The following MRPL58 variants were observed in gnomAD, a reference collection of about 807,000 sequenced individuals.
MRPL58 encodes mitochondrial ribosomal protein L58, also known as large ribosomal subunit protein mL62.
In MRPL58, 17 loss-of-function variants were observed where a neutral mutation model predicts 26.0. The observed-to-expected ratio is 0.65, with a 90% CI of 0.45 to 0.98. MRPL58 has a LOEUF of 0.98. MRPL58 is among the 50% of genes least tolerant of loss of function. The pLI is 0.00. For synonymous variants in MRPL58, 100 were observed against 99.7 expected (o/e 1.00, Z -0.02); for missense variants, 250 against 269.0 (o/e 0.93, Z 0.49).
intron 1 of MRPL58, 44 bp downstream of exon 1, chr17:75,012,916 G>C: frequency 6.4e-7 from 1 of 1,561,568 alleles, no homozygotes; most frequent in Non-Finnish European, 8.7e-7. Context: ...TTGTCAGGCT[G>C]CTGGGTGACG....
At chr17:75,013,729 T>G (rs1348551386) in intron 1 of MRPL58, among the ~76,000 whole-genome samples, 1 of 152,030 alleles carries the variant, frequency 6.6e-6, no homozygotes, top group Middle Eastern at 3.2e-3. Context: ...GTCATGAGAA[T>G]AGGGGGCGGA....
rs192827234 is a variant in MRPL58, at chr17:75,019,804, G to A, written c.283+45G>A. The A allele has an allele frequency of 9.3e-5, 141 of 1,514,880 alleles. No homozygotes were observed. The African/African-American group carries it at 1.2e-3, about 12-fold the overall frequency. The allele number at this position is 1,514,880 out of a possible 1,614,324, so 93.8% of individuals were successfully genotyped here. On this transcript the variant is annotated intron_variant, in intron 3 of 5. Coordinates refer to ENST00000301585, the MANE Select transcript of MRPL58 (RefSeq NM_001545.3). ...TTTCTTTTGCTTTAAAATGTAGCTG[G>A]GAGATGGGCTTGAGGAGCTCTGTGT...
chr17:75,012,751 C>G lies in MRPL58; in HGVS notation c.65C>G (p.Pro22Arg), dbSNP rs1247581632. The change falls in exon 1 of 6, where the codon CCC becomes CGC. Residue 22 changes from proline (P) to arginine (R), a missense_variant. Pro to Arg is a moderately radical substitution (Grantham distance 103). Transcript: ENST00000301585. ...SRAGVWLLPPPARCPRRALHK... is the reference protein window; with the variant it reads ...SRAGVWLLPPRARCPRRALHK... Reference sequence around the variant, plus strand: ...GCCGGAGTCTGGCTGCTCCCACCGCCCGCACGGTGCCCACGCCGGGCGCTG... The same window carrying G: ...GCCGGAGTCTGGCTGCTCCCACCGCGCGCACGGTGCCCACGCCGGGCGCTG... The G allele has an allele frequency of 6.3e-7, 1 of 1,589,906 alleles. No homozygotes were observed.
chr17:75,020,918 C>T lies in MRPL58; in HGVS notation c.537-3C>T, dbSNP rs759016858. 6.8e-6 allele frequency: 11 copies of T among 1,611,782 alleles called. No individual in the cohort carries two copies. Among genetic ancestry groups the T allele is most frequent in the African/African-American group, 1.3e-5 (1 of 74,822 alleles). ...GGGCTAATTGCAGTCTTTTTGTTTT[C>T]AGGATAGAAAACATGAATCGGGAAA... is the stretch of plus-strand genomic sequence containing the variant. On this transcript the variant is annotated splice_polypyrimidine_tract_variant and splice_region_variant and intron_variant, in intron 5 of 5. Transcript: ENST00000301585.
intron 2 of MRPL58, among the ~76,000 whole-genome samples, chr17:75,018,050 GA>G (rs1375740207): frequency 2.6e-5 from 4 of 152,112 alleles, no homozygotes; most frequent in Non-Finnish European, 5.9e-5. Flanking sequence ...GCATTATTTA[GA>G]ATAGCAAATA....
chr17:75,016,129 C>T (rs2039972154), intron 1 of MRPL58, among the ~76,000 whole-genome samples: 1 of 149,200 alleles, frequency 6.7e-6, no homozygotes, highest in Admixed American at 6.7e-5. Context: ...ACAGGCTGGG[C>T]GTGGTGGCTC....
chr17:75,013,381 A>T (rs1439584033), intron 1 of MRPL58, among the ~76,000 whole-genome samples: 1 of 152,154 alleles, frequency 6.6e-6, no homozygotes, highest in Non-Finnish European at 1.5e-5. Flanking sequence ...ACCCAAACCC[A>T]TTGAGCTTCC....
chr17:75,016,174 C>A (rs540411194), intron 1 of MRPL58, among the ~76,000 whole-genome samples: 23 of 150,720 alleles, frequency 1.5e-4, no homozygotes, highest in Admixed American at 2.6e-4. Context: ...GAGGCCAAGG[C>A]GGGCAGCTCT....
intron 1 of MRPL58, among the ~76,000 whole-genome samples, chr17:75,015,549 GGA>G (rs921851731): frequency 6.6e-6 from 1 of 152,042 alleles, no homozygotes; most frequent in Non-Finnish European, 1.5e-5. Context: ...GAAAGAAAGA[GGA>G]GAGAGAGAGA....
intron 1 of MRPL58, among the ~76,000 whole-genome samples, chr17:75,014,600 T>C (rs942561816): frequency 2.0e-5 from 3 of 151,900 alleles, no homozygotes; most frequent in Non-Finnish European, 4.4e-5. Flanking sequence ...TGCACCACCA[T>C]GCCCGACTCA....
Position 75,020,620 on chromosome 17 carries a change from G to T in MRPL58, c.499G>T (p.Glu167Ter). 1 of 1,614,144 alleles carries T rather than the reference G, an allele frequency of 6.2e-7. No individual in the cohort carries two copies. Among genetic ancestry groups the T allele is most frequent in the Non-Finnish European group, 8.5e-7 (1 of 1,180,028 alleles). The change falls in exon 5 of 6, where the codon GAG becomes TAG. Residue 167 changes from glutamate to a stop codon, truncating the protein, a stop_gained. Coordinates refer to ENST00000301585, the MANE Select transcript of MRPL58 (RefSeq NM_001545.3). LOFTEE classifies it high-confidence loss of function. ...MITEASQTPK[E>*]PTKEDVKLHR... ...CACTGAGGCCAGCCAGACACCGAAG[G>T]AGCCAACAAAAGAAGATGTTAAACT...
Position 75,019,718 on chromosome 17 carries a change from A to G in MRPL58, c.242A>G (p.Tyr81Cys). Reference sequence around the variant, plus strand: ...TTTACAGATCGCTTGACAATATCTTATTGTCGGAGTAGTGGTCCTGGGGGG... The same window carrying G: ...TTTACAGATCGCTTGACAATATCTTGTTGTCGGAGTAGTGGTCCTGGGGGG... ...DIPLDRLTIS[Y>C]CRSSGPGGQN... The change falls in exon 3 of 6, where the codon TAT becomes TGT. Residue 81 changes from tyrosine to cysteine, a missense_variant. Physicochemically the swap from Tyr to Cys is radical, Grantham distance 194. Coordinates refer to ENST00000301585, the MANE Select transcript of MRPL58 (RefSeq NM_001545.3). The G allele has an allele frequency of 6.2e-7, 1 of 1,612,376 alleles. No individual in the cohort carries two copies. The highest frequency in any genetic ancestry group is 8.5e-7 in the Non-Finnish European group (1 of 1,178,694).
intron 2 of MRPL58, among the ~76,000 whole-genome samples, chr17:75,017,741 C>G (rs992526769): frequency 3.3e-5 from 5 of 151,558 alleles, no homozygotes; most frequent in African/African-American, 1.2e-4. Context: ...GAGTAAGACT[C>G]TGTCTCAAAA....
In MRPL58 at chr17:75,021,071, A is replaced by T; in HGVS notation, c.*66A>T. ...GGCAGCTGCAGCTGAGAGGACTTTC[A>T]CACCATAAGGAGATTTCTGTTTTTC... On this transcript the variant is annotated 3_prime_UTR_variant, in exon 6 of 6. Transcript: ENST00000301585. The T allele has an allele frequency of 1.0e-6, 1 of 1,000,984 alleles. No individual in the cohort carries two copies. Among genetic ancestry groups the T allele is most frequent in the Non-Finnish European group, 1.6e-6 (1 of 622,284 alleles). 62.0% of individuals were successfully genotyped at this position (1,000,984 alleles called of 1,614,324 possible). A position where few individuals can be genotyped will look rare whatever the true frequency, so the allele number is the denominator to read the frequency against.
chr17:75,019,935 A>C (rs1209959403), intron 3 of MRPL58, among the ~76,000 whole-genome samples, 176 bp downstream of exon 3: 1 of 152,196 alleles, frequency 6.6e-6, no homozygotes, highest in African/African-American at 2.4e-5. Flanking sequence ...TCAGACATTC[A>C]GCTGTGGGTT....
At chr17:75,014,179 C>CTTTTT (rs570042413) in intron 1 of MRPL58, among the ~76,000 whole-genome samples, 58 of 77,030 alleles carry the variant, frequency 7.5e-4, no homozygotes, top group Non-Finnish European at 1.0e-3. Flanking sequence ...AGTCTGGGGC[C>CTTTTT]TTTTTTTTTT....
rs540737875 is a variant in MRPL58 at position 75,017,321 on chromosome 17, C to T, written c.223+207C>T. Among the ~76,000 whole-genome samples the T allele has an allele frequency of 5.0e-4, 76 of 151,706 alleles. No homozygotes were observed. The South Asian group carries it at 0.013, about 27-fold the overall frequency. On this transcript the variant is annotated intron_variant, in intron 2 of 5. Transcript: ENST00000301585. ...AAATTAAAAATTAAAAAAAAAAAAT[C>T]ATGCCTGTTGGCCGGGCATGGTGTC...
intron 3 of MRPL58, 135 bp downstream of exon 3, chr17:75,019,894 C>T (rs1301751703): frequency 3.1e-6 from 2 of 639,120 alleles, no homozygotes; most frequent in African/African-American, 3.7e-5. Context: ...TTATAATAAT[C>T]CTCTTTATTC....
chr17:75,020,394 C>G lies in MRPL58; in HGVS notation c.365C>G (p.Thr122Arg). The change falls in exon 4 of 6, where the codon ACG (threonine) becomes AGG (arginine). Residue 122 changes from threonine (T) to arginine (R), a missense_variant and splice_region_variant. Thr to Arg is a moderately conservative substitution (Grantham distance 71). Coordinates refer to ENST00000301585, the MANE Select transcript of MRPL58 (RefSeq NM_001545.3). Reference sequence around the variant, plus strand: ...CCCGTGCGGCAGAAGATAGCCATCACGGTAACCACCATCCCTTTCTTTCCC... The same window carrying G: ...CCCGTGCGGCAGAAGATAGCCATCAGGGTAACCACCATCCCTTTCTTTCCC... ...AEPVRQKIAI[T>R]HKNKINRLGE... 6.2e-7 allele frequency: 1 copy of G among 1,614,018 alleles called. No individual in the cohort carries two copies. Among genetic ancestry groups the G allele is most frequent in the Non-Finnish European group, 8.5e-7 (1 of 1,179,940 alleles).
Sources: gnomAD v4.1 joint callset for allele counts (sites outside exome capture counted in the v4.1 genomes callset) on GRCh38, gnomAD v4.1.1 for gene constraint, MANE v1.5 for transcripts, NCBI Gene and HGNC (gene_info 2026-07-23, HGNC 2026-07-21) for gene names.